GALK2: variants seen among roughly 807,000 people sequenced by gnomAD.
GALK2 encodes the protein N-acetylgalactosamine kinase.
In GALK2, 36 loss-of-function variants were observed where a neutral mutation model predicts 52.4. That is an observed-to-expected ratio of 0.69 (90% confidence interval 0.53 to 0.91). GALK2 has a LOEUF of 0.91. Ranked by LOEUF, GALK2 falls within the 40% of genes least tolerant of loss-of-function variation. The pLI, the probability that GALK2 is intolerant of heterozygous loss-of-function variation, is 0.00. For synonymous variants in GALK2, 176 were observed against 199.1 expected, an observed-to-expected ratio of 0.88 and a Z score of 0.98; for missense variants, 579 against 559.1, an observed-to-expected ratio of 1.04 and a Z score of -0.36.
intron 8 of GALK2, among the ~76,000 whole-genome samples, chr15:49,294,096 A>AAATT (rs1357339580): frequency 7.2e-6 from 1 of 138,788 alleles, no homozygotes; most frequent in Non-Finnish European, 1.5e-5. Flanking sequence ...TCAAATAAAT[A>AAATT]AATAAATAAA....
At chr15:49,297,928 A>AT (rs58235731) in intron 8 of GALK2, among the ~76,000 whole-genome samples, 13 of 149,118 alleles carry the variant, frequency 8.7e-5, no homozygotes, top group African/African-American at 9.8e-5. Flanking sequence ...GAATTTTTGA[A>AT]TTTTTTTTTT....
chr15:49,186,586 C>T (rs1272373770), intron 1 of GALK2, among the ~76,000 whole-genome samples: 7 of 143,646 alleles, frequency 4.9e-5, no homozygotes, highest in African/African-American at 8.0e-5. Flanking sequence ...TGTCGTCAGG[C>T]TGGAGTGCAG....
intron 3 of GALK2, among the ~76,000 whole-genome samples, chr15:49,220,216 A>G (rs1017029794): frequency 6.6e-6 from 1 of 151,958 alleles, no homozygotes; most frequent in Non-Finnish European, 1.5e-5. Flanking sequence ...TATTCCTTCT[A>G]TCTAACCGTA....
chr15:49,349,066 T>C (rs2151287936), intron 3 of GALK2, among the ~76,000 whole-genome samples: 1 of 152,342 alleles, frequency 6.6e-6, no homozygotes, highest in East Asian at 1.9e-4. Flanking sequence ...CTGAAGTCTT[T>C]TATTTAATTC....
Position 49,331,664 on chromosome 15 carries a change from C to G in GALK2, c.*3505C>G, listed in dbSNP as rs906417140. 10 of 662,282 alleles carry G rather than the reference C, an allele frequency of 1.5e-5. No individual in the cohort carries two copies. The highest frequency in any genetic ancestry group is 2.7e-6 in the Non-Finnish European group (1 of 367,372). The allele number at this position is 662,282 out of a possible 1,614,324, so 41.0% of individuals were successfully genotyped here. Reference sequence around the variant, plus strand: ...GATGATTAAGTAACAAGAATGTATCCTCTCCTGCCACTGTAATTTGGGTGT... The same window carrying G: ...GATGATTAAGTAACAAGAATGTATCGTCTCCTGCCACTGTAATTTGGGTGT... On this transcript the variant is annotated 3_prime_UTR_variant, in exon 10 of 10. Coordinates refer to ENST00000560031, the MANE Select transcript of GALK2 (RefSeq NM_002044.4).
chr15:49,168,548 G>A (rs985397302), upstream of GALK2, among the ~76,000 whole-genome samples: 1 of 151,884 alleles, frequency 6.6e-6, no homozygotes, highest in Non-Finnish European at 1.5e-5. Context: ...GTGAAACCCC[G>A]TCTTTACTAA....
chr15:49,321,442 A>G (rs143286654), intron 9 of GALK2, among the ~76,000 whole-genome samples: 7 of 152,358 alleles, frequency 4.6e-5, no homozygotes, highest in African/African-American at 1.7e-4. Flanking sequence ...AGGCAATTCT[A>G]TGCCAAATAT....
intron 3 of GALK2, among the ~76,000 whole-genome samples, chr15:49,363,329 G>C (rs994467844): frequency 6.6e-6 from 1 of 152,086 alleles, no homozygotes; most frequent in Non-Finnish European, 1.5e-5. Context: ...TTGTTGTAGA[G>C]ATCTTTTGCT....
At chr15:49,256,261 G>T (rs571830102) in intron 5 of GALK2, among the ~76,000 whole-genome samples, 1 of 152,286 alleles carries the variant, frequency 6.6e-6, no homozygotes, top group African/African-American at 2.4e-5. Flanking sequence ...AAAAGAGGCT[G>T]ATCAGTAGTA....
At chr15:49,176,605 T>C (rs2457229) in intron 1 of GALK2, among the ~76,000 whole-genome samples, 89,413 of 152,038 alleles carry the variant, frequency 0.59, 26,445 homozygotes, top group Middle Eastern at 0.66. Flanking sequence ...TAGAATTTTC[T>C]TCTTTTTATT....
At chr15:49,251,567 A>G (rs2091603704) in intron 5 of GALK2, among the ~76,000 whole-genome samples, 1 of 152,208 alleles carries the variant, frequency 6.6e-6, no homozygotes, top group Admixed American at 6.5e-5. Flanking sequence ...ATAATACATT[A>G]TCATTGACTA....
intron 7 of GALK2, 115 bp downstream of exon 7, chr15:49,283,833 C>A: frequency 1.0e-6 from 1 of 991,044 alleles, no homozygotes; most frequent in Non-Finnish European, 1.5e-6. Context: ...TCTGACTGCA[C>A]AGCATTCCAA....
intron 8 of GALK2, among the ~76,000 whole-genome samples, chr15:49,318,462 G>T (rs2036601790): frequency 1.3e-5 from 2 of 151,934 alleles, no homozygotes; most frequent in Non-Finnish European, 2.9e-5. Context: ...ATATAGTTTT[G>T]TAGGTTGTTT....
At chr15:49,285,247 C>G (rs1273107172) in intron 7 of GALK2, among the ~76,000 whole-genome samples, 1 of 152,170 alleles carries the variant, frequency 6.6e-6, no homozygotes, top group African/African-American at 2.4e-5. Flanking sequence ...GTTAACCAGT[C>G]TTTCCCTCTT....
At chr15:49,265,012 T>C (rs1287971097) in intron 5 of GALK2, among the ~76,000 whole-genome samples, 2 of 152,050 alleles carry the variant, frequency 1.3e-5, no homozygotes, top group Non-Finnish European at 2.9e-5. Flanking sequence ...TTAGGCTGCT[T>C]GGGGGTCAGG....
At position 49,170,379 on chromosome 15, in the gene GALK2, G is replaced by T; in HGVS notation, c.53+4G>T. 6.3e-7 allele frequency: 1 copy of T among 1,587,446 alleles called. No homozygotes were observed. Among genetic ancestry groups the T allele is most frequent in the Admixed American group, 1.8e-5 (1 of 55,912 alleles). ...TCCAGGTGGCAGAACATCCTAGGTGGGGGAGAGGAGACGCCGGGCTTTGGG... is the reference window on the plus strand; with the variant it reads ...TCCAGGTGGCAGAACATCCTAGGTGTGGGAGAGGAGACGCCGGGCTTTGGG... On this transcript the variant is annotated splice_donor_region_variant and intron_variant, in intron 1 of 9. Coordinates refer to ENST00000560031, the MANE Select transcript of GALK2 (RefSeq NM_002044.4).
intron 1 of GALK2, among the ~76,000 whole-genome samples, chr15:49,181,515 T>G (rs1410776671): frequency 1.4e-5 from 2 of 143,354 alleles, no homozygotes; most frequent in Non-Finnish European, 3.1e-5. Flanking sequence ...TTTTTTTTTT[T>G]TTTTTTGGAA....
At chr15:49,325,283 C>T (rs1228228289) in intron 9 of GALK2, among the ~76,000 whole-genome samples, 1 of 152,230 alleles carries the variant, frequency 6.6e-6, no homozygotes, top group African/African-American at 2.4e-5. Flanking sequence ...AACCCTTCTA[C>T]ATTATTCCCA....
At chr15:49,157,838 C>G (rs765264917) in intron 1 of GALK2, among the ~76,000 whole-genome samples, 4 of 152,108 alleles carry the variant, frequency 2.6e-5, no homozygotes, top group Non-Finnish European at 5.9e-5. Context: ...GAGTTTAGCT[C>G]TGCCTAATAT....
Sources: allele counts gnomAD v4.1 joint callset (sites outside exome capture counted in the v4.1 genomes callset), GRCh38; gene constraint gnomAD v4.1.1; transcripts MANE v1.5; gene names NCBI Gene and HGNC (gene_info 2026-07-23, HGNC 2026-07-21).